The following GALNT7 variants were observed in gnomAD, a reference collection of about 807,000 sequenced individuals.
The protein encoded by GALNT7 is polypeptide N-acetylgalactosaminyltransferase 7.
GALNT7 carries 60 observed loss-of-function variants against 82.1 expected under a neutral mutation model. The ratio of observed to expected loss-of-function variants is 0.73; its 90% CI spans 0.59 to 0.91. The LOEUF (loss-of-function observed/expected upper bound fraction) is 0.91. Among genes scored for constraint, GALNT7 ranks in the 40% least tolerant of loss-of-function variants. The pLI, the probability that GALNT7 is intolerant of heterozygous loss-of-function variation, is 0.00. For synonymous variants in GALNT7, 243 were observed against 275.1 expected (o/e 0.88, Z 1.15); for missense variants, 660 against 804.2 (o/e 0.82, Z 2.17).
chr4:173,248,936 T>G (rs1190065408), intron 2 of GALNT7, among the ~76,000 whole-genome samples: 1 of 168 alleles, frequency 6.0e-3, no homozygotes, highest in Non-Finnish European at 0.013. Flanking sequence ...TCCTTTAATT[T>G]TTTTCCCTCA....
intron 8 of GALNT7, among the ~76,000 whole-genome samples, chr4:173,308,851 C>T (rs555836785): frequency 9.2e-5 from 14 of 152,216 alleles, no homozygotes; most frequent in East Asian, 1.9e-4. Context: ...TGCAGTGAGC[C>T]GAGATCTCGC....
intron 6 of GALNT7, among the ~76,000 whole-genome samples, chr4:173,298,654 A>C (rs573862501): frequency 2.0e-5 from 3 of 152,224 alleles, no homozygotes; most frequent in Non-Finnish European, 4.4e-5. Flanking sequence ...TCATTCTATA[A>C]ATTTAAAATA....
At position 173,183,043 on chromosome 4, in the gene GALNT7, A is replaced by AACACACACACAC. The variant is rs35043722; in HGVS notation, c.126+14119_126+14130dup. ...AGGTTACTCATAATCCACACACATA[A>AACACACACACAC]ACACACACACACACACACACACACA... On this transcript the variant is annotated intron_variant, in intron 1 of 11. Transcript: ENST00000265000. 7.4e-4 allele frequency among the ~76,000 whole-genome samples: 93 copies of AACACACACACAC among 125,096 alleles called. 1 individual carries two copies. The highest frequency in any genetic ancestry group is 1.3e-3 in the African/African-American group (44 of 34,182). The allele number at this position is 125,096 out of a possible 152,430, so 82.1% of individuals were successfully genotyped here. A position where few individuals can be genotyped will look rare whatever the true frequency, so the allele number is the denominator to read the frequency against.
intron 2 of GALNT7, among the ~76,000 whole-genome samples, chr4:173,277,362 T>C (rs910063212): frequency 6.6e-5 from 10 of 152,212 alleles, no homozygotes; most frequent in Admixed American, 4.6e-4. Flanking sequence ...TCAGAGTTCA[T>C]GAATTCTCAT....
At chr4:173,221,442 A>T (rs954906369) in intron 1 of GALNT7, among the ~76,000 whole-genome samples, 9 of 152,206 alleles carry the variant, frequency 5.9e-5, no homozygotes, top group Admixed American at 5.2e-4. Context: ...GCTGAGCTGA[A>T]TTTTTCAAAT....
At chr4:173,234,322 T>TA (rs1734140169) in intron 1 of GALNT7, among the ~76,000 whole-genome samples, 1 of 152,206 alleles carries the variant, frequency 6.6e-6, no homozygotes, top group South Asian at 2.1e-4. Context: ...ATTATCTGCA[T>TA]AAAGATTTGT....
chr4:173,312,502 C>G (rs1403962715), intron 8 of GALNT7, among the ~76,000 whole-genome samples: 2 of 152,204 alleles, frequency 1.3e-5, no homozygotes, highest in Non-Finnish European at 2.9e-5. Flanking sequence ...CCCCTCACCT[C>G]CATAGGAGGC....
At chr4:173,262,997 A>C (rs1167291525) in intron 2 of GALNT7, among the ~76,000 whole-genome samples, 1 of 152,224 alleles carries the variant, frequency 6.6e-6, no homozygotes, top group Admixed American at 6.5e-5. Flanking sequence ...AATAACTTAA[A>C]TATGGGTACC....
At chr4:173,252,306 C>T (rs1579956608) in intron 2 of GALNT7, among the ~76,000 whole-genome samples, 4 of 152,188 alleles carry the variant, frequency 2.6e-5, no homozygotes, top group African/African-American at 9.7e-5. Context: ...CTTTTTGCCG[C>T]TTCAGAACAC....
chr4:173,282,817 A>G (rs1736161579), intron 2 of GALNT7, among the ~76,000 whole-genome samples: 1 of 152,198 alleles, frequency 6.6e-6, no homozygotes, highest in South Asian at 2.1e-4. Flanking sequence ...ACATGCCCTG[A>G]TAACTGGTGG....
chr4:173,241,357 G>A (rs1036366586), intron 1 of GALNT7, among the ~76,000 whole-genome samples: 2 of 152,094 alleles, frequency 1.3e-5, no homozygotes, highest in African/African-American at 4.8e-5. Context: ...ATTAAAACTG[G>A]GGGAAAAGAG....
At chr4:173,209,961 C>T (rs538558177) in intron 1 of GALNT7, among the ~76,000 whole-genome samples, 5 of 151,974 alleles carry the variant, frequency 3.3e-5, no homozygotes, top group African/African-American at 9.7e-5. Context: ...GGTGAAACCC[C>T]GTCTCTACTA....
rs1736198624 is a variant in GALNT7, at chr4:173,283,595, C to G, written c.588-8513C>G. Reference sequence around the variant, plus strand: ...GTGGAGGTTGTGAGCCAAGATCATGCCACTGCACTCGGCCTGGGCGACAGA... The same window carrying G: ...GTGGAGGTTGTGAGCCAAGATCATGGCACTGCACTCGGCCTGGGCGACAGA... On this transcript the variant is annotated intron_variant, in intron 2 of 11. Transcript: ENST00000265000. Among the ~76,000 whole-genome samples, 3 of 151,246 alleles carry G rather than the reference C, an allele frequency of 2.0e-5. No homozygotes were observed. The South Asian group carries it at 6.3e-4, about 32-fold the overall frequency.
At chr4:173,196,701 C>G (rs1732789829) in intron 1 of GALNT7, among the ~76,000 whole-genome samples, 1 of 152,094 alleles carries the variant, frequency 6.6e-6, no homozygotes, top group South Asian at 2.1e-4. Flanking sequence ...TTTCCCTGTC[C>G]CCACAGACAG....
At chr4:173,179,891 A>G (rs1372746194) in intron 1 of GALNT7, among the ~76,000 whole-genome samples, 1 of 152,232 alleles carries the variant, frequency 6.6e-6, no homozygotes, top group Non-Finnish European at 1.5e-5. Context: ...TCTTGTCAGT[A>G]CTTACTGCTG....
intron 1 of GALNT7, among the ~76,000 whole-genome samples, chr4:173,246,908 C>G (rs1203800211): frequency 1.3e-5 from 2 of 152,062 alleles, no homozygotes; most frequent in Non-Finnish European, 2.9e-5. Context: ...TGCATTTATT[C>G]TGTATGCACC....
At chr4:173,178,036 TG>T in intron 1 of GALNT7, among the ~76,000 whole-genome samples, 1 of 118,322 alleles carries the variant, frequency 8.5e-6, no homozygotes, top group Non-Finnish European at 1.7e-5. Flanking sequence ...TGTGTGTGTG[TG>T]TGTGTGTGTG....
intron 2 of GALNT7, among the ~76,000 whole-genome samples, chr4:173,271,498 G>A (rs559408409): frequency 6.6e-6 from 1 of 152,098 alleles, no homozygotes; most frequent in Non-Finnish European, 1.5e-5. Context: ...CTGTTGCCCA[G>A]GCTGGAGTGC....
intron 1 of GALNT7, among the ~76,000 whole-genome samples, chr4:173,220,186 G>A (rs1477926886): frequency 6.6e-6 from 1 of 152,138 alleles, no homozygotes; most frequent in Non-Finnish European, 1.5e-5. Flanking sequence ...GGTGAGAGAT[G>A]AGGAACCAGC....
Sources: gnomAD v4.1 joint callset for allele counts (sites outside exome capture counted in the v4.1 genomes callset) on GRCh38, gnomAD v4.1.1 for gene constraint, MANE v1.5 for transcripts, NCBI Gene and HGNC (gene_info 2026-07-23, HGNC 2026-07-21) for gene names.